The following ZNF362 variants were observed in gnomAD, a reference collection of about 807,000 sequenced individuals.
The protein encoded by ZNF362 is rotund homolog.
A neutral mutation model predicts 42.9 loss-of-function variants in ZNF362; 11 were observed. That is an observed-to-expected ratio of 0.26 (90% CI 0.16 to 0.42). The LOEUF is 0.42. ZNF362 is among the 20% of genes least tolerant of loss of function. ZNF362 has a pLI of 1.00. For synonymous variants in ZNF362, 255 were observed against 257.3 expected, an observed-to-expected ratio of 0.99 and a Z score of 0.09; for missense variants, 362 against 576.2, an observed-to-expected ratio of 0.63 and a Z score of 3.81.
intron 2 of ZNF362, chr1:33,275,348 G>C: frequency 1.0e-6 from 1 of 985,504 alleles, no homozygotes; most frequent in African/African-American, 1.7e-5. Context: ...CCACCAGACA[G>C]TTTGTCACAC....
At chr1:33,232,549 C>A in the ZNF362 span, among the ~76,000 whole-genome samples, 1 of 152,202 alleles carries the variant, frequency 6.6e-6, no homozygotes, top group African/African-American at 2.4e-5. Context: ...GCGTGAGCCA[C>A]CGCGCCCGGC....
the ZNF362 span, among the ~76,000 whole-genome samples, chr1:33,216,599 C>CAAAAAAAAA: frequency 8.1e-4 from 58 of 71,848 alleles, no homozygotes; most frequent in South Asian, 3.3e-3. Flanking sequence ...GACTCTGTCT[C>CAAAAAAAAA]AAAAAAAAAA....
the ZNF362 span, among the ~76,000 whole-genome samples, chr1:33,243,128 G>A: frequency 3.7e-3 from 554 of 150,872 alleles, 4 homozygotes; most frequent in Non-Finnish European, 6.0e-3. Flanking sequence ...GTTATGTTAT[G>A]TTATGTTATG....
the ZNF362 span, among the ~76,000 whole-genome samples, chr1:33,211,640 G>A: frequency 2.0e-5 from 3 of 152,122 alleles, no homozygotes; most frequent in South Asian, 4.2e-4. Context: ...TGGGTAACCC[G>A]CCCTTTCTCT....
At chr1:33,128,988 G>A in the ZNF362 span, among the ~76,000 whole-genome samples, 3,935 of 152,264 alleles carry the variant, frequency 0.026, 184 homozygotes, top group African/African-American at 0.09. Context: ...TAGGACAGGC[G>A]TGGCAAAAGC....
the ZNF362 span, among the ~76,000 whole-genome samples, chr1:33,208,899 T>C: frequency 4.6e-5 from 7 of 152,220 alleles, no homozygotes; most frequent in East Asian, 1.3e-3. Flanking sequence ...TTTTTCCTAA[T>C]TGAATATCCT....
intron 6 of ZNF362, among the ~76,000 whole-genome samples, chr1:33,283,781 A>G (rs550787176): frequency 1.3e-3 from 193 of 152,348 alleles, no homozygotes; most frequent in African/African-American, 4.4e-3. Context: ...TCTCGTTACC[A>G]TGCCTCCCAA....
the ZNF362 span, among the ~76,000 whole-genome samples, chr1:33,156,981 C>T: frequency 2.1e-5 from 3 of 142,000 alleles, no homozygotes; most frequent in Admixed American, 7.2e-5. Context: ...TCACCTCTTG[C>T]CTGGATTATG....
At chr1:33,134,430 A>G in the ZNF362 span, among the ~76,000 whole-genome samples, 4,056 of 152,278 alleles carry the variant, frequency 0.027, 168 homozygotes, top group African/African-American at 0.081. Flanking sequence ...GGAATCCAAT[A>G]ATACTGCCTC....
chr1:33,295,315 G>A lies in ZNF362; in HGVS notation c.1146+10G>A, dbSNP rs752595699. ...GCGGGCCTACACCTCGGTGAGTGCC[G>A]GTCGGCCTGTGCCCTGCCCCGGGGG... On this transcript the variant is annotated intron_variant, in intron 8 of 8. Transcript: ENST00000539719. 1.8e-4 allele frequency: 295 copies of A among 1,612,470 alleles called. No homozygotes were observed. The highest frequency in any genetic ancestry group is 2.3e-4 in the Non-Finnish European group (277 of 1,179,356).
At chr1:33,133,927 A>G in the ZNF362 span, among the ~76,000 whole-genome samples, 11 of 152,328 alleles carry the variant, frequency 7.2e-5, no homozygotes, top group South Asian at 2.3e-3. Flanking sequence ...TAATACCACC[A>G]GATGCTTTAC....
the ZNF362 span, among the ~76,000 whole-genome samples, chr1:33,236,548 A>ATATATATATATAT: frequency 1.7e-4 from 1 of 5,980 alleles, no homozygotes; most frequent in Non-Finnish European, 6.8e-4. Context: ...AAAAAAAAAA[A>ATATATATATATAT]AAATATATAT....
chr1:33,221,355 A>G, the ZNF362 span, among the ~76,000 whole-genome samples: 2 of 152,196 alleles, frequency 1.3e-5, no homozygotes, highest in South Asian at 2.1e-4. Context: ...GGGCCTGCCC[A>G]AGGAAACTGC....
intron 2 of ZNF362, among the ~76,000 whole-genome samples, chr1:33,271,557 C>T (rs1262130884): frequency 6.6e-6 from 1 of 152,214 alleles, no homozygotes; most frequent in Non-Finnish European, 1.5e-5. Flanking sequence ...GGGCTGCAAA[C>T]AGAGCGGGCT....
chr1:33,173,708 A>AT, the ZNF362 span, among the ~76,000 whole-genome samples: 3 of 149,542 alleles, frequency 2.0e-5, no homozygotes, highest in African/African-American at 7.4e-5. Context: ...ATTAAAAAAA[A>AT]TTTTTTTAGA....
chr1:33,222,108 A>G, the ZNF362 span, among the ~76,000 whole-genome samples: 1 of 152,148 alleles, frequency 6.6e-6, no homozygotes, highest in Non-Finnish European at 1.5e-5. Flanking sequence ...ACTAGCCAAC[A>G]ATTTCTCATG....
the ZNF362 span, among the ~76,000 whole-genome samples, chr1:33,229,821 C>T: frequency 1.3e-5 from 2 of 152,018 alleles, no homozygotes; most frequent in Admixed American, 6.5e-5. Flanking sequence ...TCTAGTAACC[C>T]GCGTCCCTCC....
At chr1:33,211,565 C>T in the ZNF362 span, among the ~76,000 whole-genome samples, 1 of 152,100 alleles carries the variant, frequency 6.6e-6, no homozygotes, top group Admixed American at 6.5e-5. Flanking sequence ...AATATTGACC[C>T]CCACTCTCTT....
the ZNF362 span, among the ~76,000 whole-genome samples, chr1:33,227,377 C>G: frequency 6.6e-6 from 1 of 152,284 alleles, no homozygotes; most frequent in South Asian, 2.1e-4. Context: ...CATCTTCTAC[C>G]TGGCTCTCTC....
Sources: allele counts gnomAD v4.1 joint callset (sites outside exome capture counted in the v4.1 genomes callset), GRCh38; gene constraint gnomAD v4.1.1; transcripts MANE v1.5; gene names NCBI Gene and HGNC (gene_info 2026-07-23, HGNC 2026-07-21).